The following FILIP1 variants were observed in gnomAD, a reference collection of about 807,000 sequenced individuals.
FILIP1 encodes the protein filamin-A-interacting protein 1.
In FILIP1, 61 loss-of-function variants were observed where a neutral mutation model predicts 102.1. The ratio of observed to expected loss-of-function variants is 0.60; its 90% CI spans 0.49 to 0.74. The LOEUF is 0.74. FILIP1 is among the 30% of genes least tolerant of loss of function. The pLI is 0.00. For missense variants in FILIP1, 1,314 were observed against 1,441.2 expected (o/e 0.91, Z 1.43); for synonymous variants, 491 against 526.9 (o/e 0.93, Z 0.93).
intron 4 of FILIP1, among the ~76,000 whole-genome samples, chr6:75,321,756 T>TGCAGTCC: frequency 6.7e-6 from 1 of 150,182 alleles, no homozygotes. Flanking sequence ...ATTGCGCCAC[T>TGCAGTCC]GCAGTCCGCA....
chr6:75,297,718 TA>T lies in FILIP1; in HGVS notation c.3494-1769del, dbSNP rs200881100. Among the ~76,000 whole-genome samples the T allele has an allele frequency of 7.2e-3, 1,099 of 151,902 alleles. 12 individuals carry two copies. Among genetic ancestry groups the T allele is most frequent in the African/African-American group, 0.025 (1,046 of 41,454 alleles). On this transcript the variant is annotated intron_variant, in intron 6 of 6. Coordinates refer to the FILIP1 transcript ENST00000393004. ...ATTAAAATGATGTTTCTCACTAATTTAAAAAAAAATTCTGCAGTAGATTCCA... is the reference window on the plus strand; with the variant it reads ...ATTAAAATGATGTTTCTCACTAATTTAAAAAAAATTCTGCAGTAGATTCCA...
Position 75,414,963 on chromosome 6 carries a change from G to C in FILIP1, c.10C>G (p.Arg4Gly). The change falls in exon 2 of 6, where the codon CGA becomes GGA. Residue 4 changes from arginine to glycine, a missense_variant. Coordinates refer to ENST00000237172, the MANE Select transcript of FILIP1 (RefSeq NM_015687.5). The stretch of plus-strand genomic sequence containing the variant: ...GATGCACTTTCACCACCTTGGTTTC[G>C]AGATCTCATTCCCACCTACAACACA... MRS[R>G]NQGGESASDG... 4 of 1,613,200 alleles carry C rather than the reference G, an allele frequency of 2.5e-6. No homozygotes were observed. The highest frequency in any genetic ancestry group is 3.4e-6 in the Non-Finnish European group (4 of 1,179,490).
At chr6:75,377,416 T>C (rs772412997) in intron 2 of FILIP1, among the ~76,000 whole-genome samples, 2 of 152,200 alleles carry the variant, frequency 1.3e-5, no homozygotes, top group Non-Finnish European at 2.9e-5. Context: ...ATTCAAAAAT[T>C]TTTTGAACAT....
At chr6:75,403,385 C>T (rs1776721581) in intron 2 of FILIP1, among the ~76,000 whole-genome samples, 1 of 151,580 alleles carries the variant, frequency 6.6e-6, no homozygotes, top group African/African-American at 2.4e-5. Context: ...TGTGGTGGTG[C>T]ATGCCTACAG....
intron 1 of FILIP1, among the ~76,000 whole-genome samples, chr6:75,462,903 G>A (rs567028565): frequency 6.6e-6 from 1 of 152,266 alleles, no homozygotes; most frequent in African/African-American, 2.4e-5. Flanking sequence ...GCAGTTAAGT[G>A]GAGGTGGGAA....
At chr6:75,295,936 G>T in exon 7 of FILIP1, 1 of 1,464,306 alleles carries the variant, frequency 6.8e-7, no homozygotes, top group Non-Finnish European at 9.0e-7. Context: ...CGTAACTGGT[G>T]AATGATGATG....
chr6:75,308,973 TAGTG>T, intron 5 of FILIP1, 76 bp from the exon 6 acceptor site: 1 of 1,506,006 alleles, frequency 6.6e-7, no homozygotes, highest in Non-Finnish European at 9.1e-7. Context: ...ATCTGAACAT[TAGTG>T]GGACTCTTGC....
At chr6:75,447,660 T>C (rs1322132211) in intron 1 of FILIP1, among the ~76,000 whole-genome samples, 2 of 152,160 alleles carry the variant, frequency 1.3e-5, no homozygotes, top group African/African-American at 2.4e-5. Context: ...CCTGAAGTTA[T>C]TTTTGCATTC....
At chr6:75,338,049 T>C (rs1774299391) in intron 4 of FILIP1, among the ~76,000 whole-genome samples, 1 of 152,208 alleles carries the variant, frequency 6.6e-6, no homozygotes. Flanking sequence ...TCCTGTTTCC[T>C]TCATACTTCA....
intron 1 of FILIP1, chr6:75,453,963 T>G (rs1232177002): frequency 2.2e-6 from 1 of 456,742 alleles, no homozygotes; most frequent in South Asian, 1.5e-5. Context: ...AGTTTTCTAT[T>G]GCTGCCATGA....
At chr6:75,306,031 G>T (rs2149537986), downstream of FILIP1, among the ~76,000 whole-genome samples, 1 of 152,314 alleles carries the variant, frequency 6.6e-6, no homozygotes, top group East Asian at 1.9e-4. Flanking sequence ...ATGGAAGTTG[G>T]ATTTGTGGTA....
chr6:75,350,352 T>A (rs1296012644), intron 4 of FILIP1, among the ~76,000 whole-genome samples: 1 of 151,938 alleles, frequency 6.6e-6, no homozygotes, highest in Non-Finnish European at 1.5e-5. Context: ...CATATCCCAG[T>A]GGTGCTGATG....
intron 2 of FILIP1, among the ~76,000 whole-genome samples, chr6:75,367,075 C>A (rs553465890): frequency 6.6e-6 from 1 of 151,976 alleles, no homozygotes; most frequent in East Asian, 1.9e-4. Flanking sequence ...TCATCTTGAC[C>A]CCAAACTTCC....
intron 2 of FILIP1, among the ~76,000 whole-genome samples, chr6:75,373,098 G>A (rs181248839): frequency 1.0e-3 from 154 of 152,286 alleles, no homozygotes; most frequent in African/African-American, 3.5e-3. Flanking sequence ...ATATTATTCA[G>A]CCTTAAAAAG....
intron 2 of FILIP1, among the ~76,000 whole-genome samples, chr6:75,376,823 G>A (rs1775767945): frequency 1.3e-5 from 2 of 152,116 alleles, no homozygotes; most frequent in South Asian, 4.1e-4. Context: ...GTCAGCTTGT[G>A]CCACCCTCTG....
At chr6:75,448,448 A>C (rs112537053) in intron 1 of FILIP1, among the ~76,000 whole-genome samples, 2,738 of 152,308 alleles carry the variant, frequency 0.018, 36 homozygotes, top group South Asian at 0.068. Flanking sequence ...CCTTACAAAG[A>C]CTTCATGTCC....
intron 1 of FILIP1, among the ~76,000 whole-genome samples, chr6:75,488,024 T>C (rs1294862344): frequency 6.6e-6 from 1 of 152,102 alleles, no homozygotes; most frequent in East Asian, 1.9e-4. Flanking sequence ...AATTTCTGCA[T>C]TAGCTTTAAA....
intron 4 of FILIP1, among the ~76,000 whole-genome samples, chr6:75,330,189 G>A (rs1364276991): frequency 1.3e-5 from 2 of 152,094 alleles, no homozygotes; most frequent in African/African-American, 2.4e-5. Flanking sequence ...CTTGATTACT[G>A]AGTTTTTTGG....
At chr6:75,403,907 G>A (rs1582453839) in intron 2 of FILIP1, among the ~76,000 whole-genome samples, 1 of 152,276 alleles carries the variant, frequency 6.6e-6, no homozygotes, top group Middle Eastern at 3.4e-3. Context: ...AGTCCCCAAT[G>A]CTCATATTCG....
Sources: allele counts gnomAD v4.1 joint callset (sites outside exome capture counted in the v4.1 genomes callset), GRCh38; gene constraint gnomAD v4.1.1; transcripts MANE v1.5; gene names NCBI Gene and HGNC (gene_info 2026-07-23, HGNC 2026-07-21).